RPS6KA2: variants seen among roughly 807,000 people sequenced by gnomAD.
The protein encoded by RPS6KA2 is ribosomal protein S6 kinase A2.
Under a neutral mutation model 91.8 loss-of-function variants are expected in RPS6KA2, and 42 were observed. The observed-to-expected ratio is 0.46, with a 90% CI of 0.36 to 0.59. The LOEUF is 0.59. RPS6KA2 is among the 20% of genes least tolerant of loss of function. The pLI, the probability that RPS6KA2 is intolerant of heterozygous loss-of-function variation, is 0.00. For synonymous variants in RPS6KA2, 414 were observed against 393.6 expected, an observed-to-expected ratio of 1.05 and a Z score of -0.61; for missense variants, 798 against 978.5, an observed-to-expected ratio of 0.82 and a Z score of 2.46.
At position 166,557,357 on chromosome 6, in the gene RPS6KA2, G is replaced by A. The variant is rs1381636105; in HGVS notation, c.100-18573C>T. ...ACATAAACACGGTCCTGGCCACCACGTCCCCCACAGACTCAATGGTCAGGT... is the reference window on the plus strand; with the variant it reads ...ACATAAACACGGTCCTGGCCACCACATCCCCCACAGACTCAATGGTCAGGT... On this transcript the variant is annotated intron_variant, in intron 1 of 20. Coordinates refer to ENST00000265678, the MANE Select transcript of RPS6KA2 (RefSeq NM_021135.6). This position sits in a 1 kb window ranked among gnomAD's most constrained non-coding sequence, Gnocchi z 4.8. Among the ~76,000 whole-genome samples the A allele has an allele frequency of 1.3e-5, 2 of 152,212 alleles. No homozygotes were observed. The highest frequency in any genetic ancestry group is 2.4e-5 in the African/African-American group (1 of 41,454).
At chr6:166,646,177 G>C (rs1405047256) in intron 2 of RPS6KA2, among the ~76,000 whole-genome samples, 2 of 151,726 alleles carry the variant, frequency 1.3e-5, no homozygotes, top group Admixed American at 6.6e-5. Context: ...GCCCATCTCA[G>C]TTGATCAGAG....
intron 2 of RPS6KA2, among the ~76,000 whole-genome samples, chr6:166,772,134 T>TATGGTGAGCCTATGTGCATGA (rs377550790): frequency 0.028 from 4,240 of 152,292 alleles, 222 homozygotes; most frequent in African/African-American, 0.094. Flanking sequence ...ACTGGGCATG[T>TATGGTGAGCCTATGTGCATGA]ATGGTGAGCC....
chr6:166,779,839 G>A (rs568429052), intron 2 of RPS6KA2, among the ~76,000 whole-genome samples: 2 of 152,146 alleles, frequency 1.3e-5, no homozygotes, highest in African/African-American at 4.8e-5. Flanking sequence ...GGCTAGCGTT[G>A]CCGACGGCTG....
chr6:166,685,213 GAGTGTGGAGTGTGTATGCAGGCTGGGA>G (rs1562382127), intron 2 of RPS6KA2, among the ~76,000 whole-genome samples: 9 of 148,244 alleles, frequency 6.1e-5, no homozygotes, highest in African/African-American at 2.3e-4. Flanking sequence ...GACCCTGATG[GAGTGTGGAGTGTGTATGCAGGCTGGGA>G]GGACAGAGGC....
upstream of RPS6KA2, chr6:166,862,619 T>G (rs961772603): frequency 1.0e-5 from 2 of 195,430 alleles, no homozygotes; most frequent in Admixed American, 1.1e-4. Flanking sequence ...CTATTTTACC[T>G]TAATTGGCTC....
At chr6:166,803,831 T>C (rs1779426377) in intron 2 of RPS6KA2, among the ~76,000 whole-genome samples, 1 of 152,182 alleles carries the variant, frequency 6.6e-6, no homozygotes, top group Admixed American at 6.5e-5. Context: ...TTCTAAGCCA[T>C]TTTTTTCATT....
chr6:166,644,942 A>G (rs1157414913), intron 2 of RPS6KA2, among the ~76,000 whole-genome samples: 1 of 152,230 alleles, frequency 6.6e-6, no homozygotes, highest in Non-Finnish European at 1.5e-5. Context: ...TCTCCAAACT[A>G]GGGAACACCA....
At position 166,490,638 on chromosome 6, in the gene RPS6KA2, G is replaced by T. The variant is rs189609254; in HGVS notation, c.818+33C>A. On this transcript the variant is annotated intron_variant, in intron 9 of 20. Transcript: ENST00000265678. This position sits in a 1 kb window ranked among gnomAD's most constrained non-coding sequence, Gnocchi z 4.2. ...CAGCTCTTGATATCAGAAGGTGCTC[G>T]CAGGTCTCTGGGGTGGCTCCCACAC... The T allele has an allele frequency of 1.1e-5, 17 of 1,484,710 alleles. No homozygotes were observed. Among genetic ancestry groups the T allele is most frequent in the Non-Finnish European group, 1.4e-5 (15 of 1,070,732 alleles). 92.0% of individuals were successfully genotyped at this position (1,484,710 alleles called of 1,614,324 possible). A position where few individuals can be genotyped will look rare whatever the true frequency, so the allele number is the denominator to read the frequency against.
At position 166,732,251 on chromosome 6, in the gene RPS6KA2, T is replaced by G. The variant is rs898805209; in HGVS notation, c.123+125949A>C. 6.6e-6 allele frequency among the ~76,000 whole-genome samples: 1 copy of G among 152,196 alleles called. No individual in the cohort carries two copies. Among genetic ancestry groups the G allele is most frequent in the African/African-American group, 2.4e-5 (1 of 41,444 alleles). ...AGTCTTCCCGCACTTCTGTATAGCT[T>G]CATGATTCCCCCAAAATAGACTGAT... On this transcript the variant is annotated intron_variant, in intron 2 of 21. Coordinates refer to the RPS6KA2 transcript ENST00000503859. The surrounding 1 kb of genome is among the most constrained non-coding windows in gnomAD (Gnocchi z 4.0).
intron 1 of RPS6KA2, among the ~76,000 whole-genome samples, chr6:166,576,953 C>A (rs950934192): frequency 1.5e-5 from 2 of 132,904 alleles, no homozygotes; most frequent in African/African-American, 5.1e-5. Context: ...GAGCTGTGTG[C>A]AGCCTAGGGA....
At chr6:166,426,872 A>T (rs1778934059) in intron 16 of RPS6KA2, among the ~76,000 whole-genome samples, 1 of 145,154 alleles carries the variant, frequency 6.9e-6, no homozygotes, top group African/African-American at 2.6e-5. Context: ...TACCAGAGGT[A>T]CAAGGAGGAA....
chr6:166,454,684 T>C (rs1297297062), intron 12 of RPS6KA2, among the ~76,000 whole-genome samples: 1 of 152,130 alleles, frequency 6.6e-6, no homozygotes, highest in Non-Finnish European at 1.5e-5. Flanking sequence ...TTTGTAATGA[T>C]TGCAGTGTGA....
At chr6:166,712,019 G>C (rs1789875964) in intron 2 of RPS6KA2, among the ~76,000 whole-genome samples, 1 of 152,134 alleles carries the variant, frequency 6.6e-6, no homozygotes, top group African/African-American at 2.4e-5. Flanking sequence ...AGGATAATAA[G>C]GGCACACTGT....
In RPS6KA2 at chr6:166,498,443, C is replaced by G. The variant is rs571412990; in HGVS notation, c.747+65G>C. 8.1e-5 allele frequency: 123 copies of G among 1,526,036 alleles called. No homozygotes were observed. The African/African-American group carries it at 1.6e-3, about 20-fold the overall frequency. The allele number at this position is 1,526,036 out of a possible 1,614,324, so 94.5% of individuals were successfully genotyped here. ...CGCATTTCGGGACCTCTGAACCAAC[C>G]TGGGGACAGGGGTCCACGTGGGGAA... On this transcript the variant is annotated intron_variant, in intron 8 of 20. Transcript: ENST00000265678.
intron 1 of RPS6KA2, among the ~76,000 whole-genome samples, chr6:166,569,084 T>C (rs1293858741): frequency 6.6e-6 from 1 of 152,342 alleles, no homozygotes; most frequent in East Asian, 1.9e-4. Context: ...AAAAAACAAG[T>C]CTGTAAGTAA....
chr6:166,448,933 G>T lies in RPS6KA2; in HGVS notation c.1207-84C>A, dbSNP rs552930874. The T allele has an allele frequency of 6.5e-7, 1 of 1,535,646 alleles. No individual in the cohort carries two copies. The highest frequency in any genetic ancestry group is 8.9e-7 in the Non-Finnish European group (1 of 1,123,356). Reference sequence around the variant, plus strand: ...GCTACACGCACACAGAATGTGGGGCGAAGAGAGGCACCGACTGTGAACTGA... The same window carrying T: ...GCTACACGCACACAGAATGTGGGGCTAAGAGAGGCACCGACTGTGAACTGA... On this transcript the variant is annotated intron_variant, in intron 13 of 20. Transcript: ENST00000265678. This position sits in a 1 kb window ranked among gnomAD's most constrained non-coding sequence, Gnocchi z 4.7.
chr6:166,786,104 A>G (rs554203695), intron 2 of RPS6KA2, among the ~76,000 whole-genome samples: 2 of 152,342 alleles, frequency 1.3e-5, no homozygotes, highest in South Asian at 4.1e-4. Flanking sequence ...AGTTAGGAAC[A>G]GTGACTCCTC....
At chr6:166,584,179 C>CATTT (rs1263332064) in intron 1 of RPS6KA2, among the ~76,000 whole-genome samples, 1 of 152,218 alleles carries the variant, frequency 6.6e-6, no homozygotes, top group East Asian at 1.9e-4. Context: ...AGGTGCCAGC[C>CATTT]ATTTGGTCCT....
chr6:166,488,733 C>T (rs577343869), intron 10 of RPS6KA2, 100 bp downstream of exon 10: 3 of 844,316 alleles, frequency 3.6e-6, no homozygotes, highest in Non-Finnish European at 5.8e-6. Context: ...CCTTGGTTGG[C>T]ATTGGGCCGG....
Sources: allele counts gnomAD v4.1 joint callset (sites outside exome capture counted in the v4.1 genomes callset), GRCh38; gene constraint gnomAD v4.1.1; non-coding constraint Gnocchi (gnomAD v3.1); transcripts MANE v1.5; gene names NCBI Gene and HGNC (gene_info 2026-07-23, HGNC 2026-07-21).